Variants in ZNF154 observed in about 807,000 individuals in gnomAD.
The protein encoded by ZNF154 is zinc finger protein 154, also known as zinc finger protein 154 (pHZ-92).
ZNF154 carries 6 observed loss-of-function variants against 7.5 expected under a neutral mutation model. The ratio of observed to expected loss-of-function variants is 0.80; its 90% CI spans 0.44 to 1.57. ZNF154 has a LOEUF of 1.57. ZNF154 is among the 40% of genes most tolerant of loss of function. The pLI is 0.01. For synonymous variants in ZNF154, 187 were observed against 185.9 expected (o/e 1.01, Z -0.05); for missense variants, 485 against 531.4 (o/e 0.91, Z 0.86).
chr19:57,702,674 C>G lies in ZNF154; in HGVS notation c.275G>C (p.Arg92Thr). The change falls in exon 3 of 3, where the codon AGA becomes ACA. Residue 92 changes from arginine to threonine, a missense_variant. Transcript: ENST00000684351. ...GGCCAGGAAGTCCTTCCCAACTTCT[C>G]TGCAGGTGGAAGGCTCCCCTGACAC... ...FHVSGEPSTC[R>T]EVGKDFLAKL... 1 of 1,614,036 alleles carries G rather than the reference C, an allele frequency of 6.2e-7. No individual in the cohort carries two copies. Among genetic ancestry groups the G allele is most frequent in the Non-Finnish European group, 8.5e-7 (1 of 1,180,026 alleles).
rs1005034315 is a variant in ZNF154, at chr19:57,698,128, A to G, written c.*3507T>C. On this transcript the variant is annotated 3_prime_UTR_variant, in exon 3 of 3. Coordinates refer to ENST00000684351, the MANE Select transcript of ZNF154 (RefSeq NM_001085384.3). Reference sequence around the variant, plus strand: ...ACTTCTCAGCAATACAAAAAAAAGAAACTACTCATAGAGGTATAATGATGA... The same window carrying G: ...ACTTCTCAGCAATACAAAAAAAAGAGACTACTCATAGAGGTATAATGATGA... The G allele has an allele frequency of 3.3e-5, 5 of 152,202 alleles. No homozygotes were observed. The highest frequency in any genetic ancestry group is 1.2e-4 in the African/African-American group (5 of 41,466). The allele number at this position is 152,202 out of a possible 1,614,324, so 9.4% of individuals were successfully genotyped here.
intron 1 of ZNF154, 31 bp downstream of exon 1, chr19:57,708,908 G>T (rs1386352952): frequency 6.4e-6 from 10 of 1,556,496 alleles, no homozygotes; most frequent in African/African-American, 1.4e-5. Flanking sequence ...GTGGGGGAAG[G>T]TGTGTGAGGA....
Position 57,701,593 on chromosome 19 carries a change from A to G in ZNF154, c.*42T>C. 1 of 1,583,396 alleles carries G rather than the reference A, an allele frequency of 6.3e-7. No homozygotes were observed. Among genetic ancestry groups the G allele is most frequent in the Non-Finnish European group, 8.6e-7 (1 of 1,162,062 alleles). On this transcript the variant is annotated 3_prime_UTR_variant, in exon 3 of 3. Transcript: ENST00000684351. ...CACTGTGTACTCAAGGACTTTCTCC[A>G]GGGTGCTAACAGATTTTCCACATTT... is the stretch of plus-strand genomic sequence containing the variant.
chr19:57,702,565 T>C lies in ZNF154; in HGVS notation c.384A>G (p.Arg128=), dbSNP rs372695125. 1 of 1,613,994 alleles carries C rather than the reference T, an allele frequency of 6.2e-7. No individual in the cohort carries two copies. Among genetic ancestry groups the C allele is most frequent in the South Asian group, 1.1e-5 (1 of 91,090 alleles). Residue 128 remains arginine (R), a synonymous_variant, in exon 3 of 3, where the codon AGA becomes AGG. Transcript: ENST00000684351. ...SKSDGGAISH[R]GKTHYNCGEH... is the part of the protein sequence containing the mutation. ...CTCCACAGTTGTAATGAGTTTTTCC[T>C]CTGTGACTGATGGCCCCACCGTCGC...
intron 1 of ZNF154, among the ~76,000 whole-genome samples, chr19:57,708,721 C>G (rs1238550795): frequency 6.6e-6 from 1 of 152,224 alleles, no homozygotes. Flanking sequence ...CCGAATTCTC[C>G]TGGCTCAGTC....
intron 1 of ZNF154, among the ~76,000 whole-genome samples, chr19:57,705,381 C>T (rs183575856): frequency 3.5e-4 from 54 of 152,294 alleles, no homozygotes; most frequent in African/African-American, 1.3e-3. Flanking sequence ...TTAATCTCTT[C>T]CTCTTTACCC....
rs1038682396 is a variant in ZNF154, at chr19:57,696,456, A to G, written c.*5179T>C. ...CAGGATCCCAGAGAGTACTGTGAGC[A>G]CTCCTATTCCACAAACATAAAACTG... is the stretch of plus-strand genomic sequence containing the variant. On this transcript the variant is annotated 3_prime_UTR_variant, in exon 3 of 3. Transcript: ENST00000684351. Among the ~76,000 whole-genome samples, 1 of 152,024 alleles carries G rather than the reference A, an allele frequency of 6.6e-6. No individual in the cohort carries two copies. The highest frequency in any genetic ancestry group is 1.9e-4 in the East Asian group (1 of 5,188).
At position 57,705,094 on chromosome 19, in the gene ZNF154, G is replaced by A. The variant is rs192998110; in HGVS notation, c.34-115C>T. 4.0e-5 allele frequency: 56 copies of A among 1,405,500 alleles called. 1 individual carries two copies. The Admixed American group carries it at 1.1e-3, about 27-fold the overall frequency. 87.1% of individuals were successfully genotyped at this position (1,405,500 alleles called of 1,614,324 possible). A position where few individuals can be genotyped will look rare whatever the true frequency, so the allele number is the denominator to read the frequency against. ...CTCTTCCCAAGCTCCCCAACTGAGA[G>A]GAGAAACCAGCACATGGATAAATAG... On this transcript the variant is annotated intron_variant, in intron 1 of 2. Transcript: ENST00000684351.
At chr19:57,708,149 G>A (rs762797434) in intron 1 of ZNF154, among the ~76,000 whole-genome samples, 8 of 152,074 alleles carry the variant, frequency 5.3e-5, no homozygotes, top group Non-Finnish European at 7.4e-5. Context: ...TTACTTTCTG[G>A]TCTCAGTGCT....
At chr19:57,705,384 C>T (rs1420415213) in intron 1 of ZNF154, among the ~76,000 whole-genome samples, 2 of 152,192 alleles carry the variant, frequency 1.3e-5, no homozygotes, top group Non-Finnish European at 2.9e-5. Flanking sequence ...ATCTCTTCCT[C>T]TTTACCCCAT....
chr19:57,700,306 C>T lies in ZNF154; in HGVS notation c.*1329G>A, dbSNP rs1985070684. The T allele has an allele frequency of 6.6e-6, 1 of 152,172 alleles. No homozygotes were observed. The highest frequency in any genetic ancestry group is 2.1e-4 in the South Asian group (1 of 4,822). The allele number at this position is 152,172 out of a possible 1,614,324, so 9.4% of individuals were successfully genotyped here. ...ATAGCAATGACCTTGAGGTGAAAAT[C>T]CCAGAGGCTACAGGATTCCATAAAA... is the stretch of plus-strand genomic sequence containing the variant. On this transcript the variant is annotated 3_prime_UTR_variant, in exon 3 of 3. Coordinates refer to ENST00000684351, the MANE Select transcript of ZNF154 (RefSeq NM_001085384.3).
chr19:57,707,635 A>G (rs1235117527), intron 1 of ZNF154, among the ~76,000 whole-genome samples: 1 of 152,036 alleles, frequency 6.6e-6, no homozygotes, highest in Admixed American at 6.6e-5. Flanking sequence ...CAAATCTCTC[A>G]TTACCTCCAG....
At chr19:57,708,864 G>C in intron 1 of ZNF154, 75 bp downstream of exon 1, 1 of 1,531,136 alleles carries the variant, frequency 6.5e-7, no homozygotes, top group Non-Finnish European at 8.9e-7. Context: ...GGGGACTCGA[G>C]CAGGCGCCCC....
chr19:57,699,541 G>A lies in ZNF154; in HGVS notation c.*2094C>T. The A allele has an allele frequency of 3.6e-6, 1 of 274,506 alleles. No individual in the cohort carries two copies. The highest frequency in any genetic ancestry group is 7.5e-6 in the Non-Finnish European group (1 of 133,460). The allele number at this position is 274,506 out of a possible 1,614,324, so 17.0% of individuals were successfully genotyped here. On this transcript the variant is annotated 3_prime_UTR_variant, in exon 3 of 3. Transcript: ENST00000684351. ...ACAAGAGCCTTGAAGAGAAGTAGTG[G>A]CCAGCCACTGGAAGTTGACAATGAC... is the stretch of plus-strand genomic sequence containing the variant.
Position 57,697,984 on chromosome 19 carries a change from T to C in ZNF154, c.*3651A>G, listed in dbSNP as rs1266191875. 6.6e-6 allele frequency: 1 copy of C among 152,156 alleles called. No homozygotes were observed. The highest frequency in any genetic ancestry group is 1.5e-5 in the Non-Finnish European group (1 of 68,008). 9.4% of individuals were successfully genotyped at this position (152,156 alleles called of 1,614,324 possible). A position where few individuals can be genotyped will look rare whatever the true frequency, so the allele number is the denominator to read the frequency against. On this transcript the variant is annotated 3_prime_UTR_variant, in exon 3 of 3. Coordinates refer to ENST00000684351, the MANE Select transcript of ZNF154 (RefSeq NM_001085384.3). The stretch of plus-strand genomic sequence containing the variant: ...TGTATGAAAATATCAAAATATGCAT[T>C]TTAAATATAAGCACTTTAAGTTCCA...
chr19:57,703,023 A>G (rs1985243323), intron 2 of ZNF154, among the ~76,000 whole-genome samples: 1 of 152,128 alleles, frequency 6.6e-6, no homozygotes, highest in South Asian at 2.1e-4. Context: ...CTATGCCAAA[A>G]ACCTAAAAGC....
In ZNF154 at chr19:57,701,772, A is replaced by G. The variant is rs1202074754; in HGVS notation, c.1177T>C (p.Ser393Pro). ...RPYECSECGK[S>P]FTQNSGLIKH... Reference sequence around the variant, plus strand: ...ATGAGGCCGGAATTTTGAGTAAAGGATTTCCCACATTCACTGCACTCATAG... The same window carrying G: ...ATGAGGCCGGAATTTTGAGTAAAGGGTTTCCCACATTCACTGCACTCATAG... Residue 393 changes from serine (S) to proline (P), a missense_variant, in exon 3 of 3, where the codon TCC (serine) becomes CCC (proline). Transcript: ENST00000684351. The G allele has an allele frequency of 1.2e-6, 2 of 1,613,922 alleles. No homozygotes were observed. Among genetic ancestry groups the G allele is most frequent in the Admixed American group, 1.7e-5 (1 of 59,990 alleles).
In ZNF154 at chr19:57,702,507, G is replaced by A. The variant is rs1398350234; in HGVS notation, c.442C>T (p.Leu148Phe). 3.7e-6 allele frequency: 6 copies of A among 1,614,086 alleles called. No homozygotes were observed. The South Asian group carries it at 5.5e-5, about 15-fold the overall frequency. ...HTKAFSGKHT[L>F]VQQQRTLTTE... is the part of the protein sequence containing the mutation. ...GTGAGGGTTCTCTGCTGCTGAACAA[G>A]TGTGTGTTTACCGCTGAATGCTTTT... is the stretch of plus-strand genomic sequence containing the variant. Residue 148 changes from leucine to phenylalanine, a missense_variant, in exon 3 of 3, where the codon CTT becomes TTT. Coordinates refer to ENST00000684351, the MANE Select transcript of ZNF154 (RefSeq NM_001085384.3).
rs142884205 is a variant in ZNF154, at chr19:57,701,639, C to A, written c.1310G>T (p.Arg437Leu). 2.5e-6 allele frequency: 4 copies of A among 1,609,746 alleles called. No homozygotes were observed. Among genetic ancestry groups the A allele is most frequent in the Non-Finnish European group, 3.4e-6 (4 of 1,176,566 alleles). The change falls in exon 3 of 3, where the codon CGA (arginine) becomes CTA (leucine). Residue 437 changes from arginine to leucine, a missense_variant. Physicochemically the swap from Arg to Leu is moderately radical, Grantham distance 102 (BLOSUM62 -2). Transcript: ENST00000684351. ...SLIKHQRIHS[R>L] is the part of the protein sequence containing the mutation. Reference sequence around the variant, plus strand: ...CATTTGCCACTCATAAGGCTTTTATCGACTATGAATTCTCTGATGTTTAAT... The same window carrying A: ...CATTTGCCACTCATAAGGCTTTTATAGACTATGAATTCTCTGATGTTTAAT...
Sources: gnomAD v4.1 joint callset for allele counts (sites outside exome capture counted in the v4.1 genomes callset) on GRCh38, gnomAD v4.1.1 for gene constraint, MANE v1.5 for transcripts, NCBI Gene and HGNC (gene_info 2026-07-23, HGNC 2026-07-21) for gene names.